The following PPP2R2B variants were observed in gnomAD, a reference collection of about 807,000 sequenced individuals.
PPP2R2B encodes the protein serine/threonine-protein phosphatase 2A 55 kDa regulatory subunit B beta isoform.
Under a neutral mutation model 46.0 loss-of-function variants are expected in PPP2R2B, and 5 were observed. That is an observed-to-expected ratio of 0.11 (90% CI 0.06 to 0.23). The LOEUF (loss-of-function observed/expected upper bound fraction) is 0.23, where lower values mean the gene tolerates loss of function less well. Ranked by LOEUF, PPP2R2B falls within the 10% of genes least tolerant of loss-of-function variation. The pLI, the probability that PPP2R2B is intolerant of heterozygous loss-of-function variation, is 1.00. For synonymous variants in PPP2R2B, 215 were observed against 206.7 expected, an observed-to-expected ratio of 1.04 and a Z score of -0.34; for missense variants, 367 against 575.0, an observed-to-expected ratio of 0.64 and a Z score of 3.70.
At chr5:146,944,178 T>G (rs913199912) in intron 1 of PPP2R2B, among the ~76,000 whole-genome samples, 1 of 152,170 alleles carries the variant, frequency 6.6e-6, no homozygotes, top group Admixed American at 6.6e-5. Context: ...TGCTCCTAAG[T>G]GCAATACGCT....
At chr5:147,063,218 C>T (rs1757319782) in intron 2 of PPP2R2B, among the ~76,000 whole-genome samples, 1 of 152,050 alleles carries the variant, frequency 6.6e-6, no homozygotes, top group African/African-American at 2.4e-5. Flanking sequence ...TCCAAGAAAA[C>T]TTCCTGGAGG....
chr5:147,038,260 A>G (rs770274794), intron 1 of PPP2R2B, among the ~76,000 whole-genome samples: 20 of 152,194 alleles, frequency 1.3e-4, no homozygotes, highest in Non-Finnish European at 2.5e-4. Flanking sequence ...CTTATAAGTT[A>G]AGCAACAAAA....
intron 2 of PPP2R2B, among the ~76,000 whole-genome samples, chr5:146,818,355 CAA>C (rs113412098): frequency 2.2e-4 from 31 of 144,126 alleles, no homozygotes; most frequent in Non-Finnish European, 3.8e-4. Context: ...AAATTCACTG[CAA>C]AAAAAAAAAA....
intron 5 of PPP2R2B, among the ~76,000 whole-genome samples, chr5:146,683,227 G>A (rs1778289166): frequency 6.6e-6 from 1 of 152,144 alleles, no homozygotes; most frequent in African/African-American, 2.4e-5. Flanking sequence ...CTGTGCCCAA[G>A]GCACCAGTAA....
At chr5:147,008,300 A>G (rs1754546057) in intron 1 of PPP2R2B, among the ~76,000 whole-genome samples, 1 of 152,128 alleles carries the variant, frequency 6.6e-6, no homozygotes, top group Non-Finnish European at 1.5e-5. Context: ...ATGTGAGATG[A>G]AGGGATAGGG....
intron 1 of PPP2R2B, among the ~76,000 whole-genome samples, chr5:146,989,899 G>T (rs1459425464): frequency 6.6e-6 from 1 of 151,690 alleles, no homozygotes; most frequent in Non-Finnish European, 1.5e-5. Context: ...GTATAGTAAA[G>T]TTGCAGGATA....
At chr5:146,654,561 T>C (rs1284292066) in intron 5 of PPP2R2B, among the ~76,000 whole-genome samples, 2 of 152,172 alleles carry the variant, frequency 1.3e-5, no homozygotes, top group Non-Finnish European at 1.5e-5. Context: ...TCTGTGTGTG[T>C]GGTGGGAGTC....
At chr5:146,803,332 G>C (rs149091147) in intron 2 of PPP2R2B, among the ~76,000 whole-genome samples, 1 of 152,140 alleles carries the variant, frequency 6.6e-6, no homozygotes, top group Non-Finnish European at 1.5e-5. Flanking sequence ...AATGTTCTAA[G>C]AGAGTGCTGG....
chr5:146,965,605 T>G (rs2151844792), intron 1 of PPP2R2B, among the ~76,000 whole-genome samples: 1 of 152,344 alleles, frequency 6.6e-6, no homozygotes, highest in African/African-American at 2.4e-5. Flanking sequence ...TCCTGAGGTA[T>G]CAGCAGAAGT....
intron 2 of PPP2R2B, among the ~76,000 whole-genome samples, chr5:146,870,991 A>T (rs557747174): frequency 3.3e-5 from 5 of 152,350 alleles, no homozygotes; most frequent in African/African-American, 1.2e-4. Flanking sequence ...AGGAGAACTC[A>T]AAGGTTCCTG....
At chr5:146,726,663 CCA>C (rs761143264) in intron 2 of PPP2R2B, among the ~76,000 whole-genome samples, 17 of 152,114 alleles carry the variant, frequency 1.1e-4, no homozygotes, top group Non-Finnish European at 2.1e-4. Flanking sequence ...AGATTCAAAC[CCA>C]CACAGTCTAG....
At chr5:146,603,620 ATTC>A (rs1275492763) in intron 7 of PPP2R2B, among the ~76,000 whole-genome samples, 1 of 152,240 alleles carries the variant, frequency 6.6e-6, no homozygotes, top group Non-Finnish European at 1.5e-5. Context: ...ATCTATGTAT[ATTC>A]AAGTTTTAAT....
intron 1 of PPP2R2B, among the ~76,000 whole-genome samples, chr5:146,938,817 G>GATGGAGTGC (rs1468566728): frequency 8.1e-6 from 1 of 123,042 alleles, no homozygotes; most frequent in Non-Finnish European, 1.6e-5. Flanking sequence ...AGGATGGAGT[G>GATGGAGTGC]ATGGAGTGCA....
intron 2 of PPP2R2B, among the ~76,000 whole-genome samples, chr5:146,822,468 C>T (rs1308786810): frequency 6.6e-6 from 1 of 151,922 alleles, no homozygotes; most frequent in Non-Finnish European, 1.5e-5. Context: ...CATTACTGCT[C>T]CAGGGCCTTT....
At chr5:146,617,807 G>C (rs531250239) in intron 7 of PPP2R2B, among the ~76,000 whole-genome samples, 2 of 151,714 alleles carry the variant, frequency 1.3e-5, no homozygotes, top group African/African-American at 2.4e-5. Context: ...CGATTCTTGT[G>C]CCTCAGCCTC....
intron 2 of PPP2R2B, among the ~76,000 whole-genome samples, chr5:146,871,670 G>C (rs1397793972): frequency 6.6e-6 from 1 of 152,184 alleles, no homozygotes. Context: ...CACCGACCAG[G>C]CGCCAATGGG....
chr5:147,079,508 T>C (rs1366063563), intron 2 of PPP2R2B, among the ~76,000 whole-genome samples: 1 of 143,250 alleles, frequency 7.0e-6, no homozygotes, highest in Non-Finnish European at 1.5e-5. Context: ...TAAAAAAGAA[T>C]AAAATCCTGT....
At chr5:146,877,681 T>C (rs1045644302) in intron 2 of PPP2R2B, among the ~76,000 whole-genome samples, 4 of 151,990 alleles carry the variant, frequency 2.6e-5, no homozygotes, top group African/African-American at 7.2e-5. Flanking sequence ...CCAAGACCCC[T>C]GCGAACATCT....
At chr5:146,619,096 T>G (rs896827616) in intron 7 of PPP2R2B, among the ~76,000 whole-genome samples, 2 of 152,130 alleles carry the variant, frequency 1.3e-5, no homozygotes, top group African/African-American at 4.8e-5. Flanking sequence ...CTGACCCATC[T>G]ACTACTCATT....
Sources: allele counts gnomAD v4.1 joint callset (sites outside exome capture counted in the v4.1 genomes callset), GRCh38; gene constraint gnomAD v4.1.1; transcripts MANE v1.5; gene names NCBI Gene and HGNC (gene_info 2026-07-23, HGNC 2026-07-21).